Variants in SARS2 observed in about 807,000 individuals in gnomAD.
SARS2 encodes the protein seryl-tRNA synthetase 2, mitochondrial.
Under a neutral mutation model 66.8 loss-of-function variants are expected in SARS2, and 52 were observed. That is an observed-to-expected ratio of 0.78 (90% CI 0.62 to 0.98). The LOEUF is 0.98. SARS2 is among the 50% of genes least tolerant of loss of function. SARS2 has a pLI of 0.00. For missense variants in SARS2, 673 were observed against 706.3 expected (o/e 0.95, Z 0.53); for synonymous variants, 306 against 281.4 (o/e 1.09, Z -0.87).
Position 38,917,955 on chromosome 19 carries a change from G to C in SARS2, c.1016C>G (p.Pro339Arg). 2 of 1,608,948 alleles carry C rather than the reference G, an allele frequency of 1.2e-6. No homozygotes were observed. The highest frequency in any genetic ancestry group is 1.1e-5 in the South Asian group (1 of 90,252). Residue 339 changes from proline (P) to arginine (R), a missense_variant, in exon 11 of 16, where the codon CCC becomes CGC. Pro to Arg is a moderately radical substitution (Grantham distance 103). Transcript: ENST00000221431. Reference sequence around the variant, plus strand: ...GTGGTGTACTCGATACAGCCCCCGGGGTTCCTGTCCCGTGTTTGTCTCTGC... The same window carrying C: ...GTGGTGTACTCGATACAGCCCCCGGCGTTCCTGTCCCGTGTTTGTCTCTGC... ...YRAETNTGQE[P>R]RGLYRVHHFT...
rs760162594 is a variant in SARS2 at position 38,918,498 on chromosome 19, TG to T, written c.839del (p.Pro280HisfsTer77). On this transcript the variant is annotated frameshift_variant, in exon 9 of 16. Coordinates refer to ENST00000221431, the MANE Select transcript of SARS2 (RefSeq NM_017827.4). LOFTEE classifies it high-confidence loss of function. ...CAGGGTCGATGTTGTAAATTTGGGATGGGTTGGCATTTGGTGTCATCCCACA... is the reference window on the plus strand; with the variant it reads ...CAGGGTCGATGTTGTAAATTTGGGATGGTTGGCATTTGGTGTCATCCCACA... Reference protein sequence around the residue: ...EGCGMTPNANPSQIYNIDPAR... With the variant: ...EGCGMTPNANXSQIYNIDPAR... 6.2e-7 allele frequency: 1 copy of T among 1,614,172 alleles called. No individual in the cohort carries two copies. Among genetic ancestry groups the T allele is most frequent in the Admixed American group, 1.7e-5 (1 of 60,032 alleles).
Position 38,915,296 on chromosome 19 carries a change from G to A in SARS2, c.*310C>T, listed in dbSNP as rs549677997. ...CCTGACCATTTATTGGGGACTTTTT[G>A]CTCAGCACTGTAGGAGGAAAGAAGG... On this transcript the variant is annotated 3_prime_UTR_variant, in exon 16 of 16. Transcript: ENST00000221431. 7.7e-6 allele frequency: 4 copies of A among 518,186 alleles called. No homozygotes were observed. The highest frequency in any genetic ancestry group is 5.7e-5 in the African/African-American group (3 of 52,566). The allele number at this position is 518,186 out of a possible 1,614,324, so 32.1% of individuals were successfully genotyped here.
rs1403496997 is a variant in SARS2, at chr19:38,915,614, C to T, written c.1549G>A (p.Val517Ile). The T allele has an allele frequency of 6.2e-7, 1 of 1,612,002 alleles. No individual in the cohort carries two copies. ...CTGCTGTGGGTGGGTTCTTAGCTTA[C>T]AGCAGGCTGGCCAGGCAGCCCAGGC... is the stretch of plus-strand genomic sequence containing the variant. ...RKPGLPGQPA[V>I]S The change falls in exon 16 of 16, where the codon GTA (valine) becomes ATA (isoleucine). Residue 517 changes from valine to isoleucine, a missense_variant. Physicochemically the swap from Val to Ile is conservative, Grantham distance 29. Coordinates refer to ENST00000221431, the MANE Select transcript of SARS2 (RefSeq NM_017827.4).
At chr19:38,922,737 A>G (rs1974560225) in intron 2 of SARS2, among the ~76,000 whole-genome samples, 2 of 152,044 alleles carry the variant, frequency 1.3e-5, no homozygotes, top group Admixed American at 1.3e-4. Flanking sequence ...CTGATGGTTT[A>G]AAAGCATTTG....
Position 38,918,649 on chromosome 19 carries a change from A to G in SARS2, c.807+117T>C, listed in dbSNP as rs992724384. On this transcript the variant is annotated intron_variant, in intron 8 of 15. Transcript: ENST00000221431. Reference sequence around the variant, plus strand: ...CTGGAGCTGCCCTGGCCTCCCTGGTATGGCCTGGCCCCCTCAACCCAGCCC... The same window carrying G: ...CTGGAGCTGCCCTGGCCTCCCTGGTGTGGCCTGGCCCCCTCAACCCAGCCC... 8.6e-6 allele frequency: 12 copies of G among 1,400,944 alleles called. No individual in the cohort carries two copies. In the African/African-American group the frequency reaches 1.1e-4, roughly 13 times the overall value. The allele number at this position is 1,400,944 out of a possible 1,614,324, so 86.8% of individuals were successfully genotyped here. A position where few individuals can be genotyped will look rare whatever the true frequency, so the allele number is the denominator to read the frequency against.
At chr19:38,927,696 C>T (rs1974652876) in intron 1 of SARS2, among the ~76,000 whole-genome samples, 2 of 152,174 alleles carry the variant, frequency 1.3e-5, no homozygotes, top group Non-Finnish European at 2.9e-5. Flanking sequence ...GTTTCCACAA[C>T]ACAATTCTTG....
intron 1 of SARS2, 144 bp downstream of exon 1, chr19:38,930,326 G>A (rs1205933139): frequency 9.6e-7 from 1 of 1,039,804 alleles, no homozygotes; most frequent in Non-Finnish European, 1.4e-6. Context: ...CACATAAGTG[G>A]GTGCCATGCA....
At chr19:38,924,020 G>A (rs924957544) in intron 2 of SARS2, among the ~76,000 whole-genome samples, 3 of 151,434 alleles carry the variant, frequency 2.0e-5, no homozygotes, top group African/African-American at 7.3e-5. Flanking sequence ...TAATCCCAGC[G>A]ACTCAGGAGG....
chr19:38,926,809 C>T (rs114099708), intron 1 of SARS2, among the ~76,000 whole-genome samples: 1,824 of 152,046 alleles, frequency 0.012, 40 homozygotes, highest in African/African-American at 0.042. Flanking sequence ...AGTCTCTAAA[C>T]TAGCACTTTA....
chr19:38,929,908 C>T lies in SARS2; in HGVS notation c.267+562G>A, dbSNP rs140107328. Among the ~76,000 whole-genome samples, 5 of 152,240 alleles carry T rather than the reference C, an allele frequency of 3.3e-5. No homozygotes were observed. The South Asian group carries it at 8.3e-4, about 25-fold the overall frequency. On this transcript the variant is annotated intron_variant, in intron 1 of 15. Transcript: ENST00000221431. The stretch of plus-strand genomic sequence containing the variant: ...TGCTAGCAATTTTATTATTATTCAC[C>T]GCATATTTGCAACATCTAGAACACC...
intron 9 of SARS2, 46 bp from the exon 10 acceptor site, chr19:38,918,185 A>C: frequency 6.4e-7 from 1 of 1,564,016 alleles, no homozygotes; most frequent in Non-Finnish European, 8.7e-7. Context: ...CAGTGCCCAG[A>C]GGAAGCCTTT....
chr19:38,918,888 G>A (rs1600164892), intron 7 of SARS2, 75 bp from the exon 8 acceptor site: 9 of 1,407,064 alleles, frequency 6.4e-6, no homozygotes, highest in Middle Eastern at 3.5e-4. Flanking sequence ...AAGAAGGGGT[G>A]CTGCAGAGCC....
rs565309153 is a variant in SARS2 at position 38,927,769 on chromosome 19, T to TCA, written c.268-1471_268-1470dup. Among the ~76,000 whole-genome samples the TCA allele has an allele frequency of 2.8e-4, 43 of 151,488 alleles. No individual in the cohort carries two copies. The East Asian group carries it at 8.2e-3, about 29-fold the overall frequency. On this transcript the variant is annotated intron_variant, in intron 1 of 15. Transcript: ENST00000221431. ...GCTACTTGAGGCTGGGTGTGGTGGCTCACACCTGTAATCCCAGCACTTTGG... is the reference window on the plus strand; with the variant it reads ...GCTACTTGAGGCTGGGTGTGGTGGCTCACACACCTGTAATCCCAGCACTTTGG...
Position 38,926,718 on chromosome 19 carries a change from G to A in SARS2, c.268-418C>T, listed in dbSNP as rs553671470. Among the ~76,000 whole-genome samples the A allele has an allele frequency of 5.9e-4, 90 of 152,248 alleles. 1 individual carries two copies. The South Asian group carries it at 0.016, about 28-fold the overall frequency. On this transcript the variant is annotated intron_variant, in intron 1 of 15. Coordinates refer to ENST00000221431, the MANE Select transcript of SARS2 (RefSeq NM_017827.4). ...CGAGAATCGCTTGAAACCAGGAAGC[G>A]GAGGTTGCACTGAGCTGAGATCGTG... is the stretch of plus-strand genomic sequence containing the variant.
chr19:38,924,922 G>A (rs533563887), intron 2 of SARS2, among the ~76,000 whole-genome samples: 1 of 152,288 alleles, frequency 6.6e-6, no homozygotes, highest in African/African-American at 2.4e-5. Flanking sequence ...AAAACACCTG[G>A]TATGGTGTGT....
intron 2 of SARS2, among the ~76,000 whole-genome samples, 176 bp from the exon 3 acceptor site, chr19:38,922,443 A>C (rs1411986873): frequency 6.6e-6 from 1 of 152,194 alleles, no homozygotes; most frequent in Non-Finnish European, 1.5e-5. Flanking sequence ...CGCTACAAGG[A>C]GGCAAGATAA....
In SARS2 at chr19:38,921,572, G is replaced by T; in HGVS notation, c.489C>A (p.Phe163Leu). Reference sequence around the variant, plus strand: ...TGGGCAGCTTCAGCGCCTGCAGGTAGAACTGCTCCTCAAGCTGGGCCTCCC... The same window carrying T: ...TGGGCAGCTTCAGCGCCTGCAGGTATAACTGCTCCTCAAGCTGGGCCTCCC... Reference protein sequence around the residue: ...YPREAQLEEQFYLQALKLPNQ... With the variant: ...YPREAQLEEQLYLQALKLPNQ... The change falls in exon 4 of 16, where the codon TTC becomes TTA. Residue 163 changes from phenylalanine to leucine, a missense_variant. Phe to Leu is a conservative substitution (Grantham distance 22, BLOSUM62 0). Transcript: ENST00000221431. 6.2e-7 allele frequency: 1 copy of T among 1,614,226 alleles called. No individual in the cohort carries two copies. Among genetic ancestry groups the T allele is most frequent in the Non-Finnish European group, 8.5e-7 (1 of 1,180,032 alleles).
At position 38,922,398 on chromosome 19, in the gene SARS2, T is replaced by C. The variant is rs533154831; in HGVS notation, c.364-131A>G. 3.9e-5 allele frequency: 32 copies of C among 825,806 alleles called. No homozygotes were observed. The African/African-American group carries it at 4.5e-4, about 12-fold the overall frequency. The allele number at this position is 825,806 out of a possible 1,614,324, so 51.2% of individuals were successfully genotyped here. A position where few individuals can be genotyped will look rare whatever the true frequency, so the allele number is the denominator to read the frequency against. On this transcript the variant is annotated intron_variant, in intron 2 of 15. Coordinates refer to ENST00000221431, the MANE Select transcript of SARS2 (RefSeq NM_017827.4). ...CTCTGTCAGTGCCTAGCTGGGTCCC[T>C]CTGCAACTCTGTGTTTCTGTTTCTC...
intron 5 of SARS2, among the ~76,000 whole-genome samples, chr19:38,921,024 GATACAGAC>G (rs1974521240): frequency 1.0e-5 from 1 of 98,300 alleles, no homozygotes; most frequent in Non-Finnish European, 2.1e-5. Flanking sequence ...CAGATACACA[GATACAGAC>G]ACACACAGAT....
Sources: allele counts gnomAD v4.1 joint callset (sites outside exome capture counted in the v4.1 genomes callset), GRCh38; gene constraint gnomAD v4.1.1; transcripts MANE v1.5; gene names NCBI Gene and HGNC (gene_info 2026-07-23, HGNC 2026-07-21).